The following DHX57 variants were observed in gnomAD, a reference collection of about 807,000 sequenced individuals.
DHX57 encodes DExH-box helicase 57, also known as putative ATP-dependent RNA helicase DHX57.
A neutral mutation model predicts 156.2 loss-of-function variants in DHX57; 105 were observed. The ratio of observed to expected loss-of-function variants is 0.67; its 90% CI spans 0.57 to 0.79. The LOEUF is 0.79. DHX57 is among the 30% of genes least tolerant of loss of function. The pLI is 0.00. For synonymous variants in DHX57, 704 were observed against 595.6 expected, an observed-to-expected ratio of 1.18 and a Z score of -2.65; for missense variants, 1,847 against 1,661.9, an observed-to-expected ratio of 1.11 and a Z score of -1.94.
At chr2:38,832,163 G>A (rs1487647719) in intron 13 of DHX57, among the ~76,000 whole-genome samples, 7 of 152,108 alleles carry the variant, frequency 4.6e-5, no homozygotes, top group Admixed American at 2.6e-4. Flanking sequence ...ACAGCGGGCC[G>A]GGTGCAGTGG....
intron 1 of DHX57, among the ~76,000 whole-genome samples, chr2:38,873,839 G>A (rs773064538): frequency 6.6e-6 from 1 of 152,096 alleles, no homozygotes; most frequent in Non-Finnish European, 1.5e-5. Flanking sequence ...AAACCCCCGA[G>A]GCAGTTATTT....
rs528922399 is a variant in DHX57 at position 38,855,354 on chromosome 2, TA to T, written c.1710-103del. ...AGAAAAGTGATAAAGCTAATTAGAA[TA>T]AAAGTTGTTCAGTTTCAGGTATTTT... On this transcript the variant is annotated intron_variant, in intron 7 of 23. Transcript: ENST00000457308. 9.3e-4 allele frequency: 1,184 copies of T among 1,272,906 alleles called. 12 individuals are homozygous for T. In the African/African-American group the frequency reaches 0.015, roughly 16 times the overall value. The allele number at this position is 1,272,906 out of a possible 1,614,324, so 78.9% of individuals were successfully genotyped here.
chr2:38,816,387 G>A (rs868706971), intron 19 of DHX57, among the ~76,000 whole-genome samples: 1 of 151,726 alleles, frequency 6.6e-6, no homozygotes, highest in African/African-American at 2.4e-5. Context: ...GCCAATTTTT[G>A]TATTTTTAGT....
At position 38,861,034 on chromosome 2, in the gene DHX57, G is replaced by A. The variant is rs375882345; in HGVS notation, c.1376C>T (p.Pro459Leu). Residue 459 changes from proline to leucine, a missense_variant, in exon 5 of 24, where the codon CCA becomes CTA. Coordinates refer to ENST00000457308, the MANE Select transcript of DHX57 (RefSeq NM_198963.3). ...NNPACHKTVI[P>L]NNSFVSNQIP... ...TTGATTAGAAACAAAAGAATTATTT[G>A]GAATCACTGTTTTATGACAGGCAGG... The A allele has an allele frequency of 4.3e-6, 7 of 1,613,708 alleles. No homozygotes were observed. Among genetic ancestry groups the A allele is most frequent in the African/African-American group, 2.7e-5 (2 of 75,022 alleles).
chr2:38,846,891 G>T, intron 11 of DHX57, 128 bp downstream of exon 11: 1 of 556,772 alleles, frequency 1.8e-6, no homozygotes, highest in African/African-American at 1.9e-5. Context: ...GTCCCAATAT[G>T]TTGCCCAAGC....
chr2:38,811,735 C>T, intron 21 of DHX57: 2 of 574,108 alleles, frequency 3.5e-6, no homozygotes, highest in South Asian at 3.6e-5. Flanking sequence ...GCCTGGGGAG[C>T]AAAGGCAGGC....
chr2:38,824,510 T>G (rs1670992764), intron 16 of DHX57, among the ~76,000 whole-genome samples: 2 of 151,050 alleles, frequency 1.3e-5, no homozygotes, highest in South Asian at 4.1e-4. Context: ...TCATATTAAG[T>G]ATTCTTACCA....
chr2:38,875,558 G>T (rs1339386032), intron 1 of DHX57, among the ~76,000 whole-genome samples: 1 of 151,570 alleles, frequency 6.6e-6, no homozygotes, highest in Non-Finnish European at 1.5e-5. Context: ...CAGTTTGAGC[G>T]TGGACAACCT....
chr2:38,867,926 C>T (rs1665162506), intron 2 of DHX57, among the ~76,000 whole-genome samples: 2 of 152,296 alleles, frequency 1.3e-5, no homozygotes, highest in Admixed American at 6.5e-5. Flanking sequence ...AAATAATTTT[C>T]ATCACACTAT....
At position 38,837,858 on chromosome 2, in the gene DHX57, C is replaced by G. The variant is rs1252778396; in HGVS notation, c.2515G>C (p.Val839Leu). ...ELIEALLEWI[V>L]DGKHSYPPGA... ...GGAGGGTAGGAGTGCTTTCCATCCACAATCCACTCTAATAAGGCCTCTATT... is the reference window on the plus strand; with the variant it reads ...GGAGGGTAGGAGTGCTTTCCATCCAGAATCCACTCTAATAAGGCCTCTATT... The change falls in exon 13 of 24, where the codon GTG becomes CTG. Residue 839 changes from valine (V) to leucine (L), a missense_variant. Physicochemically the swap from Val to Leu is conservative, Grantham distance 32. Transcript: ENST00000457308. The G allele has an allele frequency of 6.2e-7, 1 of 1,611,184 alleles. No homozygotes were observed. The highest frequency in any genetic ancestry group is 8.5e-7 in the Non-Finnish European group (1 of 1,177,444).
chr2:38,824,150 TA>T (rs1382296500), intron 16 of DHX57, among the ~76,000 whole-genome samples: 1 of 152,164 alleles, frequency 6.6e-6, no homozygotes, highest in Non-Finnish European at 1.5e-5. Flanking sequence ...GCAGTATATA[TA>T]CATACAGTGG....
chr2:38,865,336 CT>C (rs1040416649), intron 2 of DHX57, among the ~76,000 whole-genome samples: 19 of 152,142 alleles, frequency 1.2e-4, no homozygotes, highest in Admixed American at 1.2e-3. Context: ...CTCACGAGAT[CT>C]GATGGTTTTA....
chr2:38,841,145 T>C (rs1460725533), intron 12 of DHX57, among the ~76,000 whole-genome samples: 3 of 152,210 alleles, frequency 2.0e-5, no homozygotes, highest in South Asian at 2.1e-4. Context: ...TCTTGTTCCA[T>C]AATTTAATGG....
intron 12 of DHX57, among the ~76,000 whole-genome samples, chr2:38,839,429 C>T (rs932452146): frequency 2.6e-5 from 4 of 151,210 alleles, no homozygotes; most frequent in Non-Finnish European, 4.4e-5. Context: ...AAAGCAGTTT[C>T]GGCTGGGCGC....
intron 21 of DHX57, chr2:38,810,905 C>G: frequency 5.0e-6 from 4 of 796,730 alleles, no homozygotes; most frequent in Non-Finnish European, 8.7e-6. Context: ...TGCTTGCCTG[C>G]GACTTCATTC....
At chr2:38,875,740 C>G (rs1013028774) in intron 1 of DHX57, 47 bp downstream of exon 1, 1 of 302,718 alleles carries the variant, frequency 3.3e-6, no homozygotes, top group African/African-American at 2.1e-5. Context: ...GACGCGCACA[C>G]CGTGCGCACA....
intron 21 of DHX57, chr2:38,811,684 G>A: frequency 9.8e-7 from 1 of 1,017,430 alleles, no homozygotes; most frequent in Non-Finnish European, 1.5e-6. Flanking sequence ...GCAATTCCTG[G>A]TGCCTGGAAT....
At chr2:38,805,288 C>T (rs559262063) in intron 22 of DHX57, among the ~76,000 whole-genome samples, 13 of 152,220 alleles carry the variant, frequency 8.5e-5, no homozygotes, top group Admixed American at 2.6e-4. Flanking sequence ...TGAACATGGT[C>T]CTCAGTAGTT....
chr2:38,853,044 GTTTTCTTTTC>G (rs1194531472), intron 9 of DHX57: 4 of 153,178 alleles, frequency 2.6e-5, no homozygotes, highest in African/African-American at 1.0e-4. Flanking sequence ...TCATATTTCA[GTTTTCTTTTC>G]TTTTCTTTTC....
Sources: gnomAD v4.1 joint callset for allele counts (sites outside exome capture counted in the v4.1 genomes callset) on GRCh38, gnomAD v4.1.1 for gene constraint, MANE v1.5 for transcripts, NCBI Gene and HGNC (gene_info 2026-07-23, HGNC 2026-07-21) for gene names.